EFL1: variants seen among roughly 807,000 people sequenced by gnomAD.
EFL1 encodes the protein elongation factor like GTPase 1.
A neutral mutation model predicts 126.7 loss-of-function variants in EFL1; 76 were observed. That is an observed-to-expected ratio of 0.60 (90% CI 0.50 to 0.73). The LOEUF (loss-of-function observed/expected upper bound fraction) is 0.73, where lower values mean the gene tolerates loss of function less well. Ranked by LOEUF, EFL1 falls within the 30% of genes least tolerant of loss-of-function variation. The pLI, the probability that EFL1 is intolerant of heterozygous loss-of-function variation, is 0.00. For missense variants in EFL1, 1,128 were observed against 1,343.2 expected (o/e 0.84, Z 2.50); for synonymous variants, 410 against 448.4 (o/e 0.91, Z 1.08).
chr15:82,190,769 A>G (rs1156871590), intron 15 of EFL1, among the ~76,000 whole-genome samples: 1 of 152,194 alleles, frequency 6.6e-6, no homozygotes, highest in Admixed American at 6.5e-5. Flanking sequence ...CATCTATTAT[A>G]CATGTGTTAT....
chr15:82,235,879 T>G (rs555421565), intron 7 of EFL1, among the ~76,000 whole-genome samples: 2 of 151,830 alleles, frequency 1.3e-5, no homozygotes, highest in African/African-American at 4.8e-5. Context: ...AGCATGCAGA[T>G]AGAAAAGGAA....
At chr15:82,217,816 A>T (rs2141300278) in intron 14 of EFL1, among the ~76,000 whole-genome samples, 1 of 152,276 alleles carries the variant, frequency 6.6e-6, no homozygotes, top group Middle Eastern at 3.4e-3. Flanking sequence ...GAGATGTCAC[A>T]CTGTGATTCT....
intron 18 of EFL1, 68 bp from the exon 19 acceptor site, chr15:82,138,910 T>G: frequency 7.1e-7 from 1 of 1,399,056 alleles, no homozygotes. Context: ...AAGACATGAT[T>G]ACCCATATAC....
chr15:82,164,933 G>T (rs183802613), intron 15 of EFL1, among the ~76,000 whole-genome samples: 16 of 150,400 alleles, frequency 1.1e-4, no homozygotes, highest in Non-Finnish European at 1.9e-4. Context: ...GAGGCATATT[G>T]AATCTCACAC....
intron 16 of EFL1, among the ~76,000 whole-genome samples, chr15:82,158,169 C>T (rs772658712): frequency 6.6e-5 from 10 of 152,106 alleles, no homozygotes; most frequent in Admixed American, 4.6e-4. Flanking sequence ...AATCTTATAA[C>T]GAATGTATAC....
chr15:82,164,005 T>C (rs747014374), intron 15 of EFL1, 21 bp from the exon 16 acceptor site: 5 of 1,612,672 alleles, frequency 3.1e-6, no homozygotes, highest in Non-Finnish European at 4.2e-6. Context: ...AAAAGATCCA[T>C]ACGGTCAATA....
intron 15 of EFL1, among the ~76,000 whole-genome samples, chr15:82,176,227 A>G (rs1039828009): frequency 6.6e-6 from 1 of 151,820 alleles, no homozygotes. Flanking sequence ...TAAGTAAAAC[A>G]AAAAAAAGCT....
chr15:82,202,431 T>C (rs546693792), intron 15 of EFL1, among the ~76,000 whole-genome samples: 1 of 152,344 alleles, frequency 6.6e-6, no homozygotes, highest in East Asian at 1.9e-4. Context: ...TGGAGGTCTA[T>C]TTGTTAATTA....
chr15:82,231,003 T>C, intron 7 of EFL1, 32 bp from the exon 8 acceptor site: 1 of 1,603,192 alleles, frequency 6.2e-7, no homozygotes, highest in East Asian at 2.2e-5. Context: ...ATGTTATTAA[T>C]AACAACGATT....
chr15:82,248,514 C>A (rs1310889199), intron 4 of EFL1, among the ~76,000 whole-genome samples: 7 of 152,092 alleles, frequency 4.6e-5, no homozygotes, highest in Non-Finnish European at 1.0e-4. Context: ...TCAACACATG[C>A]GTAAATCCTC....
At chr15:82,258,484 G>A (rs1388205073) in intron 3 of EFL1, among the ~76,000 whole-genome samples, 1 of 152,184 alleles carries the variant, frequency 6.6e-6, no homozygotes, top group African/African-American at 2.4e-5. Context: ...CCAACAGGGC[G>A]AGGTTGCAGT....
chr15:82,150,378 G>C (rs1269339695), intron 18 of EFL1, among the ~76,000 whole-genome samples: 1 of 152,146 alleles, frequency 6.6e-6, no homozygotes, highest in Non-Finnish European at 1.5e-5. Flanking sequence ...TAATTTGGCC[G>C]ATTCTCTCAT....
rs201150207 is a variant in EFL1 at position 82,151,842 on chromosome 15, C to T, written c.2612G>A (p.Ser871Asn). The change falls in exon 18 of 20, where the codon AGT (serine) becomes AAT (asparagine). Residue 871 changes from serine (S) to asparagine (N), a missense_variant. By Grantham distance (46) the Ser-to-Asn change is conservative. This residue lies in a region of EFL1 where 561 missense variants were observed against 641.7 expected (regional missense o/e 0.87). Transcript: ENST00000268206. ...RYRDLGNSIV[S>N]GFQLATLSGP... is the part of the protein sequence containing the mutation. ...AGAGAGGGTTGCTAGTTGGAAGCCA[C>T]TCACAATGCTATTGCCCAAATCTCG... 89 of 1,614,150 alleles carry T rather than the reference C, an allele frequency of 5.5e-5. No homozygotes were observed. In the African/African-American group the frequency reaches 1.1e-3, roughly 20 times the overall value.
intron 15 of EFL1, among the ~76,000 whole-genome samples, chr15:82,208,807 C>T (rs2074553054): frequency 2.6e-5 from 4 of 151,952 alleles, no homozygotes; most frequent in Admixed American, 2.0e-4. Flanking sequence ...AAAATACTTT[C>T]CCGGCACAAT....
At chr15:82,183,465 T>C (rs1451850626) in intron 15 of EFL1, among the ~76,000 whole-genome samples, 1 of 152,150 alleles carries the variant, frequency 6.6e-6, no homozygotes, top group Non-Finnish European at 1.5e-5. Flanking sequence ...AAGGGCATCT[T>C]TCAGAATTAA....
intron 18 of EFL1, 117 bp downstream of exon 18, chr15:82,151,348 A>T: frequency 1.0e-6 from 1 of 971,820 alleles, no homozygotes; most frequent in Non-Finnish European, 1.5e-6. Flanking sequence ...AGATTGTGCC[A>T]CTGCACTCCA....
At chr15:82,145,678 C>A (rs1192090604) in intron 18 of EFL1, among the ~76,000 whole-genome samples, 2 of 151,004 alleles carry the variant, frequency 1.3e-5, no homozygotes, top group Admixed American at 1.3e-4. Flanking sequence ...ACTAAAAATA[C>A]AAAAAAATAG....
rs1483805513 is a variant in EFL1 at position 82,164,707 on chromosome 15, C to A, written c.1751-723G>T. ...GGTCAGGAGATCGAGACTATCCTGGCTAACACGGTGAAACCCCGTCTCTAC... is the reference window on the plus strand; with the variant it reads ...GGTCAGGAGATCGAGACTATCCTGGATAACACGGTGAAACCCCGTCTCTAC... On this transcript the variant is annotated intron_variant, in intron 15 of 19. Coordinates refer to ENST00000268206, the MANE Select transcript of EFL1 (RefSeq NM_024580.6). 5.9e-5 allele frequency among the ~76,000 whole-genome samples: 9 copies of A among 151,600 alleles called. No individual in the cohort carries two copies. In the East Asian group the frequency reaches 1.4e-3, roughly 23 times the overall value.
Position 82,255,962 on chromosome 15 carries a change from AT to A in EFL1, c.159+3125del, listed in dbSNP as rs2075063061. 2.0e-5 allele frequency among the ~76,000 whole-genome samples: 3 copies of A among 152,336 alleles called. No individual in the cohort carries two copies. The South Asian group carries it at 6.2e-4, about 32-fold the overall frequency. ...TTTTAAATCAGCATATCAAGTTGAA[AT>A]TTTTAAAAATCTGTTGGAATTTTTA... On this transcript the variant is annotated intron_variant, in intron 3 of 19. Coordinates refer to ENST00000268206, the MANE Select transcript of EFL1 (RefSeq NM_024580.6).
Sources: gnomAD v4.1 joint callset for allele counts (sites outside exome capture counted in the v4.1 genomes callset) on GRCh38, gnomAD v4.1.1 for gene constraint, gnomAD v4.1.1 regional missense constraint, MANE v1.5 for transcripts, NCBI Gene and HGNC (gene_info 2026-07-23, HGNC 2026-07-21) for gene names.